The following ARMC9 variants were observed in gnomAD, a reference collection of about 807,000 sequenced individuals.
ARMC9 encodes lisH domain-containing protein ARMC9.
Under a neutral mutation model 107.0 loss-of-function variants are expected in ARMC9, and 94 were observed. The ratio of observed to expected loss-of-function variants is 0.88; its 90% confidence interval spans 0.74 to 1.04. The LOEUF (loss-of-function observed/expected upper bound fraction) is 1.04, where lower values mean the gene tolerates loss of function less well. Among genes scored for constraint, ARMC9 ranks in the 50% least tolerant of loss-of-function variants. The pLI is 0.00. For synonymous variants in ARMC9, 380 were observed against 396.9 expected, an observed-to-expected ratio of 0.96 and a Z score of 0.51; for missense variants, 942 against 1,030.1, an observed-to-expected ratio of 0.91 and a Z score of 1.17.
At chr2:231,299,494 C>T (rs1296055859) in intron 19 of ARMC9, among the ~76,000 whole-genome samples, 1 of 152,042 alleles carries the variant, frequency 6.6e-6, no homozygotes, top group Non-Finnish European at 1.5e-5. Flanking sequence ...GGTTTAGTGG[C>T]GTGGAAGTCA....
intron 19 of ARMC9, among the ~76,000 whole-genome samples, chr2:231,324,777 A>T (rs2043219313): frequency 6.6e-6 from 1 of 151,842 alleles, no homozygotes; most frequent in Non-Finnish European, 1.5e-5. Context: ...ATAAATAAAT[A>T]AAATAAACCA....
At chr2:231,243,042 C>T (rs1212632813) in intron 9 of ARMC9, among the ~76,000 whole-genome samples, 1 of 152,052 alleles carries the variant, frequency 6.6e-6, no homozygotes, top group Non-Finnish European at 1.5e-5. Flanking sequence ...GTCAGGAGAT[C>T]GAGACCATCC....
intron 20 of ARMC9, among the ~76,000 whole-genome samples, chr2:231,338,378 C>T (rs2044271488): frequency 6.6e-6 from 1 of 151,936 alleles, no homozygotes; most frequent in Non-Finnish European, 1.5e-5. Context: ...GCGTATGTGC[C>T]ACTACGCCTG....
intron 7 of ARMC9, among the ~76,000 whole-genome samples, chr2:231,230,478 G>C (rs532396777): frequency 1.2e-4 from 18 of 152,320 alleles, no homozygotes; most frequent in African/African-American, 3.4e-4. Context: ...AAATAAAGCT[G>C]ATGTGTTTGA....
At chr2:231,288,287 C>T (rs964980988) in intron 17 of ARMC9, among the ~76,000 whole-genome samples, 2 of 151,898 alleles carry the variant, frequency 1.3e-5, no homozygotes, top group South Asian at 2.1e-4. Flanking sequence ...TTACGTAAAA[C>T]AATGTACATA....
chr2:231,210,526 A>T (rs1446521278), intron 3 of ARMC9, among the ~76,000 whole-genome samples: 1 of 152,232 alleles, frequency 6.6e-6, no homozygotes, highest in African/African-American at 2.4e-5. Context: ...GAATATAGCA[A>T]ATCCTCAATA....
chr2:231,366,533 T>TA (rs2045823047), intron 23 of ARMC9, among the ~76,000 whole-genome samples: 1 of 151,866 alleles, frequency 6.6e-6, no homozygotes, highest in African/African-American at 2.4e-5. Context: ...ACCCCACCTC[T>TA]AAAAAAATAA....
At chr2:231,350,263 C>T (rs1348052234) in intron 21 of ARMC9, among the ~76,000 whole-genome samples, 5 of 151,920 alleles carry the variant, frequency 3.3e-5, no homozygotes, top group South Asian at 2.1e-4. Context: ...TTACCTCAGG[C>T]GATCTGCCTG....
intron 21 of ARMC9, among the ~76,000 whole-genome samples, chr2:231,346,012 T>G (rs1432959164): frequency 2.0e-5 from 3 of 152,186 alleles, no homozygotes; most frequent in Admixed American, 6.5e-5. Context: ...CTTGATGAGT[T>G]CTGTTGCCCA....
chr2:231,206,056 G>T (rs2031939209), intron 1 of ARMC9, 142 bp from the exon 2 acceptor site: 1 of 637,052 alleles, frequency 1.6e-6, no homozygotes, highest in Non-Finnish European at 2.8e-6. Context: ...CCCCCTTGCC[G>T]TGTAACCTCA....
chr2:231,286,304 C>T (rs187946968), intron 17 of ARMC9, among the ~76,000 whole-genome samples: 5 of 152,220 alleles, frequency 3.3e-5, no homozygotes, highest in East Asian at 1.9e-4. Flanking sequence ...TTAGTAGAGA[C>T]GGGGTTTCAC....
At chr2:231,275,230 T>C (rs1046459261) in intron 14 of ARMC9, among the ~76,000 whole-genome samples, 1 of 152,160 alleles carries the variant, frequency 6.6e-6, no homozygotes, top group African/African-American at 2.4e-5. Context: ...CCTGATTGGG[T>C]CAGTGTAGTG....
At chr2:231,212,355 T>G (rs199767668) in intron 3 of ARMC9, among the ~76,000 whole-genome samples, 1 of 152,190 alleles carries the variant, frequency 6.6e-6, no homozygotes, top group East Asian at 1.9e-4. Context: ...ATTCATGAGT[T>G]AGGAAGAATG....
intron 13 of ARMC9, among the ~76,000 whole-genome samples, chr2:231,271,361 A>G (rs541674274): frequency 6.1e-4 from 93 of 152,342 alleles, no homozygotes; most frequent in African/African-American, 1.9e-3. Flanking sequence ...TTTCAAGTAT[A>G]TCACAGGTAA....
chr2:231,309,202 C>T (rs2042200259), intron 19 of ARMC9, among the ~76,000 whole-genome samples: 1 of 152,216 alleles, frequency 6.6e-6, no homozygotes, highest in African/African-American at 2.4e-5. Flanking sequence ...CTCATTTCCA[C>T]TCTGGTTTCT....
intron 19 of ARMC9, among the ~76,000 whole-genome samples, chr2:231,331,003 G>A (rs551319078): frequency 1.8e-4 from 27 of 152,276 alleles, no homozygotes; most frequent in African/African-American, 5.8e-4. Context: ...GTAGCCGGAT[G>A]TGGTGGCATA....
chr2:231,216,005 A>G (rs971661704), intron 4 of ARMC9, among the ~76,000 whole-genome samples: 1 of 152,234 alleles, frequency 6.6e-6, no homozygotes, highest in Non-Finnish European at 1.5e-5. Flanking sequence ...TAGTAGAGCC[A>G]GTGTGGGAGC....
chr2:231,320,354 C>G lies in ARMC9; in HGVS notation c.1774-11439C>G, dbSNP rs1227723568. On this transcript the variant is annotated intron_variant, in intron 19 of 24. Coordinates refer to ENST00000611582, the MANE Select transcript of ARMC9 (RefSeq NM_001352754.2). Reference sequence around the variant, plus strand: ...CAAAGGGCTGACCCATTTGCACATTCACATGATGCCTTTTAAAACACTTTC... The same window carrying G: ...CAAAGGGCTGACCCATTTGCACATTGACATGATGCCTTTTAAAACACTTTC... Among the ~76,000 whole-genome samples, 12 of 152,212 alleles carry G rather than the reference C, an allele frequency of 7.9e-5. No individual in the cohort carries two copies. The South Asian group carries it at 1.0e-3, about 13-fold the overall frequency.
At chr2:231,367,017 A>T (rs1245806516) in intron 23 of ARMC9, among the ~76,000 whole-genome samples, 1 of 150,962 alleles carries the variant, frequency 6.6e-6, no homozygotes, top group Non-Finnish European at 1.5e-5. Flanking sequence ...CGCCTGGCTA[A>T]TTTTTTGTGT....
Sources: allele counts gnomAD v4.1 joint callset (sites outside exome capture counted in the v4.1 genomes callset), GRCh38; gene constraint gnomAD v4.1.1; transcripts MANE v1.5; gene names NCBI Gene and HGNC (gene_info 2026-07-23, HGNC 2026-07-21).